CLCA4: variants seen among roughly 807,000 people sequenced by gnomAD.
CLCA4 encodes the protein calcium-activated chloride channel regulator 4.
CLCA4 carries 69 observed loss-of-function variants against 78.9 expected under a neutral mutation model. The observed-to-expected ratio is 0.87, with a 90% CI of 0.72 to 1.07. The LOEUF (loss-of-function observed/expected upper bound fraction) is 1.07. Among genes scored for constraint, CLCA4 ranks in the 50% least tolerant of loss-of-function variants. The pLI, the probability that CLCA4 is intolerant of heterozygous loss-of-function variation, is 0.00. For synonymous variants in CLCA4, 362 were observed against 375.8 expected, an observed-to-expected ratio of 0.96 and a Z score of 0.42; for missense variants, 1,133 against 1,095.8, an observed-to-expected ratio of 1.03 and a Z score of -0.48.
intron 9 of CLCA4, among the ~76,000 whole-genome samples, chr1:86,573,212 T>C (rs1204215140): frequency 2.6e-5 from 4 of 151,904 alleles, no homozygotes; most frequent in Non-Finnish European, 2.9e-5. Context: ...TCTACAAACA[T>C]AGGGCTTCTG....
chr1:86,562,336 C>A (rs1650049367), intron 3 of CLCA4, among the ~76,000 whole-genome samples: 1 of 152,172 alleles, frequency 6.6e-6, no homozygotes, highest in Non-Finnish European at 1.5e-5. Flanking sequence ...TTCTACTGAA[C>A]GTTCTAATTC....
chr1:86,580,413 T>A lies in CLCA4; in HGVS notation c.*68T>A. Reference sequence around the variant, plus strand: ...GTTTTAAAAAACAAAACAATGTAAGTAAAGGATATTTCTGAATCTTAAAAT... The same window carrying A: ...GTTTTAAAAAACAAAACAATGTAAGAAAAGGATATTTCTGAATCTTAAAAT... On this transcript the variant is annotated 3_prime_UTR_variant, in exon 14 of 14. Transcript: ENST00000370563. The A allele has an allele frequency of 4.1e-6, 5 of 1,212,778 alleles. No homozygotes were observed. Among genetic ancestry groups the A allele is most frequent in the South Asian group, 1.8e-5 (1 of 55,890 alleles). The allele number at this position is 1,212,778 out of a possible 1,614,324, so 75.1% of individuals were successfully genotyped here. A position where few individuals can be genotyped will look rare whatever the true frequency, so the allele number is the denominator to read the frequency against.
At chr1:86,575,857 A>C (rs1009156637) in intron 11 of CLCA4, among the ~76,000 whole-genome samples, 6 of 152,010 alleles carry the variant, frequency 3.9e-5, no homozygotes, top group African/African-American at 1.2e-4. Flanking sequence ...TCGGGAGGCC[A>C]AGGTGGGCAG....
chr1:86,571,656 A>G (rs1236987971), intron 8 of CLCA4, among the ~76,000 whole-genome samples: 1 of 151,996 alleles, frequency 6.6e-6, no homozygotes, highest in African/African-American at 2.4e-5. Context: ...TGAGCAAAAA[A>G]CATCACGTTG....
In CLCA4 at chr1:86,580,139, A is replaced by C; in HGVS notation, c.2554A>C (p.Asn852His). 6 of 1,612,680 alleles carry C rather than the reference A, an allele frequency of 3.7e-6. No homozygotes were observed. Among genetic ancestry groups the C allele is most frequent in the Non-Finnish European group, 5.1e-6 (6 of 1,179,226 alleles). ...TGCCATTAAAAGTATAGATAAAAGC[A>C]ATTTGACATCAAAAGTATCCAACAT... Reference protein sequence around the residue: ...FIAIKSIDKSNLTSKVSNIAQ... With the variant: ...FIAIKSIDKSHLTSKVSNIAQ... Residue 852 changes from asparagine (N) to histidine (H), a missense_variant, in exon 14 of 14, where the codon AAT (asparagine) becomes CAT (histidine). Transcript: ENST00000370563.
At chr1:86,574,926 C>T (rs931250367) in intron 10 of CLCA4, among the ~76,000 whole-genome samples, 171 bp downstream of exon 10, 8 of 151,930 alleles carry the variant, frequency 5.3e-5, no homozygotes, top group African/African-American at 1.9e-4. Flanking sequence ...GAAAAAAGAA[C>T]TTATATATCA....
In CLCA4 at chr1:86,565,912, T is replaced by C; in HGVS notation, c.846T>C (p.Phe282=). Residue 282 remains phenylalanine, a synonymous_variant, in exon 6 of 14, where the codon TTT becomes TTC. Transcript: ENST00000370563. ...TWEVISNSED[F]KNTIPMVTPP... is the part of the protein sequence containing the mutation. ...AGGTGATTAGCAATTCTGAGGATTT[T>C]AAAAACACCATACCCATGGTGACAC... The C allele has an allele frequency of 1.2e-6, 2 of 1,612,936 alleles. No individual in the cohort carries two copies. Among genetic ancestry groups the C allele is most frequent in the East Asian group, 2.2e-5 (1 of 44,858 alleles).
intron 9 of CLCA4, among the ~76,000 whole-genome samples, chr1:86,573,334 A>G (rs1403391256): frequency 6.6e-6 from 1 of 151,906 alleles, no homozygotes; most frequent in Non-Finnish European, 1.5e-5. Flanking sequence ...TGTTACTTAG[A>G]TTCAAAAACT....
chr1:86,574,907 T>C (rs1650463096), intron 10 of CLCA4, 152 bp downstream of exon 10: 1 of 638,280 alleles, frequency 1.6e-6, no homozygotes, highest in Non-Finnish European at 2.7e-6. Flanking sequence ...CTTAAAACTA[T>C]GATGGTAGGA....
rs750270286 is a variant in CLCA4 at position 86,572,633 on chromosome 1, TTCAGA to T, written c.1382_1386del (p.Ser461Ter). ...TTTTAGGAGGAAGTCATTTTTATGTTTCAGATGAAGCTCAGAACAATGGCCTCATT... is the reference window on the plus strand; with the variant it reads ...TTTTAGGAGGAAGTCATTTTTATGTTTGAAGCTCAGAACAATGGCCTCATT... On this transcript the variant is annotated frameshift_variant, in exon 9 of 14. Coordinates refer to ENST00000370563, the MANE Select transcript of CLCA4 (RefSeq NM_012128.4). LOFTEE classifies it high-confidence loss of function. The T allele has an allele frequency of 5.6e-5, 90 of 1,603,562 alleles. No individual in the cohort carries two copies. The highest frequency in any genetic ancestry group is 7.3e-5 in the Non-Finnish European group (86 of 1,171,422).
Position 86,580,079 on chromosome 1 carries a change from A to G in CLCA4, c.2494A>G (p.Asn832Asp). The G allele has an allele frequency of 1.2e-6, 2 of 1,613,066 alleles. No homozygotes were observed. ...SKESFAFKPE[N>D]ISEENATHIF... ...GGAAAGCTTTGCATTTAAACCAGAAAATATCTCAGAAGAAAATGCAACCCA... is the reference window on the plus strand; with the variant it reads ...GGAAAGCTTTGCATTTAAACCAGAAGATATCTCAGAAGAAAATGCAACCCA... The change falls in exon 14 of 14, where the codon AAT (asparagine) becomes GAT (aspartate). Residue 832 changes from asparagine (N) to aspartate (D), a missense_variant. Transcript: ENST00000370563.
rs1649975777 is a variant in CLCA4, at chr1:86,560,227, C to T, written c.317C>T (p.Ala106Val). 1 of 1,608,980 alleles carries T rather than the reference C, an allele frequency of 6.2e-7. No homozygotes were observed. The highest frequency in any genetic ancestry group is 8.5e-7 in the Non-Finnish European group (1 of 1,178,608). Reference protein sequence around the residue: ...ENHKHADVIVAPPTLPGRDEP... With the variant: ...ENHKHADVIVVPPTLPGRDEP... ...CATTCTCAGGCTGATGTTATAGTTG[C>T]ACCACCTACACTCCCAGGTAGAGAT... The change falls in exon 3 of 14, where the codon GCA (alanine) becomes GTA (valine). Residue 106 changes from alanine to valine, a missense_variant. Coordinates refer to ENST00000370563, the MANE Select transcript of CLCA4 (RefSeq NM_012128.4).
chr1:86,553,359 C>T (rs35359391), intron 1 of CLCA4: 1 of 559,884 alleles, frequency 1.8e-6, no homozygotes, highest in South Asian at 2.4e-5. Context: ...TTTGAGAGAA[C>T]GGTTATCTGG....
chr1:86,569,502 G>A (rs946389307), intron 7 of CLCA4, among the ~76,000 whole-genome samples: 16 of 151,692 alleles, frequency 1.1e-4, no homozygotes, highest in African/African-American at 2.6e-4. Flanking sequence ...TGAAAGTATC[G>A]GAGTTTGATA....
In CLCA4 at chr1:86,567,666, G is replaced by A; in HGVS notation, c.1182+15G>A. 6.3e-7 allele frequency: 1 copy of A among 1,597,578 alleles called. No individual in the cohort carries two copies. ...ATGCATTTCAGGTGAAAATCGTACT[G>A]CAAATATATTTTGGTTTTTGTTTCT... On this transcript the variant is annotated intron_variant, in intron 7 of 13. Coordinates refer to ENST00000370563, the MANE Select transcript of CLCA4 (RefSeq NM_012128.4).
At chr1:86,579,855 C>T (rs1286172968) in intron 13 of CLCA4, 87 bp from the exon 14 acceptor site, 21 of 942,966 alleles carry the variant, frequency 2.2e-5, no homozygotes, top group Non-Finnish European at 3.3e-5. Context: ...ATCTGCTTTG[C>T]ATAACTAGAC....
In CLCA4 at chr1:86,574,727, C is replaced by A. The variant is rs1650458245; in HGVS notation, c.1655C>A (p.Ala552Asp). 4 of 1,612,890 alleles carry A rather than the reference C, an allele frequency of 2.5e-6. No individual in the cohort carries two copies. Among genetic ancestry groups the A allele is most frequent in the Admixed American group, 1.7e-5 (1 of 59,878 alleles). ...NFTVDATSKM[A>D]YLSIPGTAKV... ...ACAGTGGATGCAACTTCCAAAATGG[C>A]CTATCTCAGTATTCCAGGAACTGCA... Residue 552 changes from alanine to aspartate, a missense_variant, in exon 10 of 14, where the codon GCC (alanine) becomes GAC (aspartate). Ala to Asp is a moderately radical substitution (Grantham distance 126). Coordinates refer to ENST00000370563, the MANE Select transcript of CLCA4 (RefSeq NM_012128.4).
chr1:86,558,071 C>A (rs1311146590), intron 1 of CLCA4, among the ~76,000 whole-genome samples: 1 of 151,914 alleles, frequency 6.6e-6, no homozygotes, highest in Non-Finnish European at 1.5e-5. Flanking sequence ...TATTTTGAGC[C>A]TATGGGTGTC....
At chr1:86,554,219 C>T (rs1011395629) in intron 1 of CLCA4, among the ~76,000 whole-genome samples, 3 of 152,132 alleles carry the variant, frequency 2.0e-5, no homozygotes, top group Non-Finnish European at 4.4e-5. Context: ...TCATTTACCT[C>T]CCATTATAAG....
Sources: allele counts gnomAD v4.1 joint callset (sites outside exome capture counted in the v4.1 genomes callset), GRCh38; gene constraint gnomAD v4.1.1; transcripts MANE v1.5; gene names NCBI Gene and HGNC (gene_info 2026-07-23, HGNC 2026-07-21).